Variants in ATF1 observed in about 807,000 individuals in gnomAD.
The protein encoded by ATF1 is activating transcription factor 1.
ATF1 carries 16 observed loss-of-function variants against 34.7 expected under a neutral mutation model. The ratio of observed to expected loss-of-function variants is 0.46; its 90% confidence interval spans 0.31 to 0.70. ATF1 has a LOEUF of 0.70. ATF1 is among the 30% of genes least tolerant of loss of function. The pLI, the probability that ATF1 is intolerant of heterozygous loss-of-function variation, is 0.05. For synonymous variants in ATF1, 105 were observed against 113.1 expected, an observed-to-expected ratio of 0.93 and a Z score of 0.46; for missense variants, 255 against 321.6, an observed-to-expected ratio of 0.79 and a Z score of 1.58.
chr12:50,807,536 T>C (rs1941639178), intron 3 of ATF1, among the ~76,000 whole-genome samples: 1 of 152,182 alleles, frequency 6.6e-6, no homozygotes, highest in African/African-American at 2.4e-5. Context: ...TGGGTGCCTT[T>C]TTCCTGGAAG....
At chr12:50,789,185 A>G (rs1469789998) in intron 2 of ATF1, among the ~76,000 whole-genome samples, 2 of 151,850 alleles carry the variant, frequency 1.3e-5, no homozygotes, top group Non-Finnish European at 2.9e-5. Context: ...CCTGGGTTCA[A>G]GCAGTTTGGG....
intron 2 of ATF1, among the ~76,000 whole-genome samples, chr12:50,784,391 A>G (rs1305920413): frequency 6.6e-6 from 1 of 152,138 alleles, no homozygotes; most frequent in Non-Finnish European, 1.5e-5. Context: ...CTCTTTTTAT[A>G]CAAGGTAGAC....
chr12:50,787,376 A>G (rs1356940801), intron 2 of ATF1, among the ~76,000 whole-genome samples: 3 of 152,218 alleles, frequency 2.0e-5, no homozygotes, highest in Admixed American at 2.0e-4. Context: ...GGTAGAAAAC[A>G]TGCACAGACA....
chr12:50,806,857 A>G (rs951548158), intron 3 of ATF1, among the ~76,000 whole-genome samples: 12 of 152,172 alleles, frequency 7.9e-5, no homozygotes, highest in African/African-American at 2.9e-4. Flanking sequence ...CACTCTGACT[A>G]TTCTACAGAA....
intron 4 of ATF1, among the ~76,000 whole-genome samples, chr12:50,809,819 CTGTTT>C (rs71443204): frequency 7.9e-4 from 120 of 151,100 alleles, no homozygotes; most frequent in South Asian, 2.5e-3. Flanking sequence ...ACATTAGATA[CTGTTT>C]TGTTTTGTTT....
intron 2 of ATF1, among the ~76,000 whole-genome samples, chr12:50,782,882 G>T (rs1189574414): frequency 6.6e-6 from 1 of 151,582 alleles, no homozygotes; most frequent in Non-Finnish European, 1.5e-5. Context: ...TAGAGGTGGG[G>T]TTTCACCATA....
intron 1 of ATF1, among the ~76,000 whole-genome samples, chr12:50,773,104 C>G (rs1327952279): frequency 1.3e-5 from 2 of 152,182 alleles, no homozygotes; most frequent in Non-Finnish European, 2.9e-5. Context: ...TTATCTCTTT[C>G]CTTTTTATGG....
intron 1 of ATF1, among the ~76,000 whole-genome samples, chr12:50,773,444 C>CTTTTTTTT (rs71086476): frequency 1.0e-4 from 9 of 89,564 alleles, no homozygotes; most frequent in Non-Finnish European, 8.1e-5. Context: ...AATTGCCATT[C>CTTTTTTTT]TTTTTTTTTT....
rs71086476 is a variant in ATF1, at chr12:50,773,444, C to CTTTTTTT, written c.-6-6680_-6-6674dup. On this transcript the variant is annotated intron_variant, in intron 1 of 6. Transcript: ENST00000262053. ...AACTGTTGACTTTTTAATTGCCATT[C>CTTTTTTT]TTTTTTTTTTTTTTTTTTTTTTCGA... 5.1e-4 allele frequency among the ~76,000 whole-genome samples: 46 copies of CTTTTTTT among 89,558 alleles called. 1 individual carries two copies. The highest frequency in any genetic ancestry group is 7.3e-4 in the Non-Finnish European group (36 of 49,552). 58.8% of individuals were successfully genotyped at this position (89,558 alleles called of 152,430 possible).
At chr12:50,793,362 A>G (rs928464331) in intron 2 of ATF1, among the ~76,000 whole-genome samples, 3 of 152,224 alleles carry the variant, frequency 2.0e-5, no homozygotes, top group African/African-American at 7.2e-5. Flanking sequence ...GCGGTGGCTC[A>G]TACCTGTAAT....
chr12:50,794,391 C>T (rs1941368975), intron 2 of ATF1, among the ~76,000 whole-genome samples: 1 of 150,342 alleles, frequency 6.7e-6, no homozygotes, highest in African/African-American at 2.4e-5. Context: ...ATGGTGAAAC[C>T]CCATCTCTAC....
At chr12:50,766,506 G>A (rs1277565354) in intron 1 of ATF1, among the ~76,000 whole-genome samples, 1 of 151,740 alleles carries the variant, frequency 6.6e-6, no homozygotes, top group Non-Finnish European at 1.5e-5. Flanking sequence ...CTCTAAAAGG[G>A]GAGTCTTTTT....
intron 2 of ATF1, among the ~76,000 whole-genome samples, chr12:50,790,440 C>T (rs1941278559): frequency 6.6e-6 from 1 of 151,906 alleles, no homozygotes; most frequent in East Asian, 1.9e-4. Flanking sequence ...TCCTGGGCTT[C>T]TCTTGTCCTC....
chr12:50,781,201 A>AT (rs1415798365), intron 2 of ATF1, among the ~76,000 whole-genome samples: 12 of 152,184 alleles, frequency 7.9e-5, no homozygotes, highest in African/African-American at 2.4e-4. Context: ...TGGTATTTAT[A>AT]TATAACCTAC....
At chr12:50,788,559 T>C (rs561169313) in intron 2 of ATF1, among the ~76,000 whole-genome samples, 2 of 152,018 alleles carry the variant, frequency 1.3e-5, no homozygotes, top group African/African-American at 4.8e-5. Flanking sequence ...ATCATATTTC[T>C]TTGGCCTCAA....
intron 2 of ATF1, among the ~76,000 whole-genome samples, chr12:50,785,169 C>A (rs1384038829): frequency 6.7e-6 from 1 of 150,244 alleles, no homozygotes; most frequent in Non-Finnish European, 1.5e-5. Flanking sequence ...TGCCTATAAT[C>A]CCCTCTGCTT....
At chr12:50,800,769 T>C (rs1941496207) in intron 3 of ATF1, among the ~76,000 whole-genome samples, 1 of 152,184 alleles carries the variant, frequency 6.6e-6, no homozygotes, top group Admixed American at 6.5e-5. Context: ...ACGAAACTGG[T>C]CCCTGGTGCC....
At chr12:50,782,687 CTT>C (rs71086480) in intron 2 of ATF1, among the ~76,000 whole-genome samples, 2 of 102,528 alleles carry the variant, frequency 2.0e-5, no homozygotes, top group African/African-American at 3.4e-5. Context: ...TGTGGCCAGC[CTT>C]TTTTTTTTTT....
intron 3 of ATF1, among the ~76,000 whole-genome samples, chr12:50,798,651 G>T (rs1360438326): frequency 6.6e-6 from 1 of 151,994 alleles, no homozygotes; most frequent in Admixed American, 6.6e-5. Context: ...TCTCAGGAAG[G>T]CTATAACATC....
Sources: gnomAD v4.1 joint callset for allele counts (sites outside exome capture counted in the v4.1 genomes callset) on GRCh38, gnomAD v4.1.1 for gene constraint, MANE v1.5 for transcripts, NCBI Gene and HGNC (gene_info 2026-07-23, HGNC 2026-07-21) for gene names.